GFOD1: variants seen among roughly 807,000 people sequenced by gnomAD.
The protein encoded by GFOD1 is glucose-fructose oxidoreductase domain-containing protein 1.
GFOD1 carries 9 observed loss-of-function variants against 25.4 expected under a neutral mutation model. The observed-to-expected ratio is 0.35, with a 90% CI of 0.21 to 0.62. The LOEUF is 0.62. GFOD1 is among the 20% of genes least tolerant of loss of function. The pLI is 0.72. For missense variants in GFOD1, 403 were observed against 556.9 expected, an observed-to-expected ratio of 0.72 and a Z score of 2.78; for synonymous variants, 253 against 245.6, an observed-to-expected ratio of 1.03 and a Z score of -0.28.
At chr6:13,403,887 T>A (rs987890680) in intron 1 of GFOD1, among the ~76,000 whole-genome samples, 1 of 152,216 alleles carries the variant, frequency 6.6e-6, no homozygotes, top group African/African-American at 2.4e-5. Flanking sequence ...GAAGAGTGAT[T>A]ACTAATGGAT....
chr6:13,393,173 T>C (rs62386724), intron 1 of GFOD1, among the ~76,000 whole-genome samples: 45,061 of 151,630 alleles, frequency 0.3, 6,819 homozygotes, highest in Middle Eastern at 0.45. Flanking sequence ...CTGGGCAACA[T>C]GCTGAAACTC....
At chr6:13,439,795 C>T (rs1757886672) in intron 1 of GFOD1, among the ~76,000 whole-genome samples, 1 of 152,122 alleles carries the variant, frequency 6.6e-6, no homozygotes, top group African/African-American at 2.4e-5. Flanking sequence ...ACATGTTTAC[C>T]CAGGGTGAGA....
At chr6:13,390,158 C>A (rs926700547) in intron 1 of GFOD1, among the ~76,000 whole-genome samples, 2 of 152,178 alleles carry the variant, frequency 1.3e-5, no homozygotes, top group African/African-American at 4.8e-5. Context: ...CTTTCCGAGC[C>A]TTAATCATAT....
chr6:13,432,463 C>T (rs1757766499), intron 1 of GFOD1, among the ~76,000 whole-genome samples: 1 of 152,060 alleles, frequency 6.6e-6, no homozygotes, highest in Admixed American at 6.6e-5. Flanking sequence ...CCACCTTGGC[C>T]TCCCAAAGTG....
chr6:13,480,424 G>C (rs1180675860), intron 1 of GFOD1, among the ~76,000 whole-genome samples: 1 of 152,224 alleles, frequency 6.6e-6, no homozygotes, highest in Non-Finnish European at 1.5e-5. Context: ...AAGGCAGAGA[G>C]CTATCTCATC....
intron 1 of GFOD1, among the ~76,000 whole-genome samples, chr6:13,460,947 A>G (rs1758280489): frequency 6.6e-6 from 1 of 152,196 alleles, no homozygotes. Context: ...CTGCCAGGTG[A>G]GGACACCTCA....
chr6:13,477,214 GGGGT>G (rs747672221), intron 1 of GFOD1, among the ~76,000 whole-genome samples: 257 of 7,560 alleles, frequency 0.034, 1 homozygote, highest in East Asian at 0.32. Flanking sequence ...GAACCAATAG[GGGGT>G]GTGTGTGTGT....
chr6:13,434,385 G>T lies in GFOD1; in HGVS notation c.253+52253C>A, dbSNP rs149754905. Among the ~76,000 whole-genome samples the T allele has an allele frequency of 9.8e-4, 143 of 145,352 alleles. 1 individual carries two copies. The highest frequency in any genetic ancestry group is 3.5e-3 in the African/African-American group (135 of 38,668). On this transcript the variant is annotated intron_variant, in intron 1 of 1. Transcript: ENST00000379287. ...TGGGAACACAGGAATCAAGTGCATG[G>T]CATTATGAGAACACAAATCAAGTGC...
chr6:13,376,162 T>C (rs1320320505), intron 1 of GFOD1, among the ~76,000 whole-genome samples: 1 of 152,114 alleles, frequency 6.6e-6, no homozygotes, highest in East Asian at 1.9e-4. Context: ...CCCCTTCATG[T>C]CAGTGGCACA....
intron 1 of GFOD1, among the ~76,000 whole-genome samples, chr6:13,419,272 G>C (rs573320431): frequency 6.6e-6 from 1 of 152,182 alleles, no homozygotes; most frequent in East Asian, 1.9e-4. Flanking sequence ...TCCAAAGAGG[G>C]AACAGACTAT....
rs368758101 is a variant in GFOD1 at position 13,409,153 on chromosome 6, G to GAAAGAAAGAAA, written c.254-43492_254-43491insTTTCTTTCTTT. On this transcript the variant is annotated intron_variant, in intron 1 of 1. Coordinates refer to ENST00000379287, the MANE Select transcript of GFOD1 (RefSeq NM_018988.4). ...AGAAAGAAAGAAAGAAAGAAAGAGA[G>GAAAGAAAGAAA]GAAAGAAAGAAAGGAAAGAGAGAGA... 5.9e-3 allele frequency among the ~76,000 whole-genome samples: 262 copies of GAAAGAAAGAAA among 44,500 alleles called. 36 individuals carry two copies. The highest frequency in any genetic ancestry group is 0.015 in the African/African-American group (223 of 15,322). 29.2% of individuals were successfully genotyped at this position (44,500 alleles called of 152,430 possible). A position where few individuals can be genotyped will look rare whatever the true frequency, so the allele number is the denominator to read the frequency against.
At chr6:13,381,363 A>C (rs994369027) in intron 1 of GFOD1, among the ~76,000 whole-genome samples, 1 of 152,130 alleles carries the variant, frequency 6.6e-6, no homozygotes, top group African/African-American at 2.4e-5. Flanking sequence ...CAGACAAGGA[A>C]ATGGGCTAGG....
chr6:13,436,235 T>C (rs1757831292), intron 1 of GFOD1, among the ~76,000 whole-genome samples: 1 of 137,232 alleles, frequency 7.3e-6, no homozygotes, highest in Non-Finnish European at 1.6e-5. Flanking sequence ...TGAAAGCACA[T>C]AAATAAACTT....
intron 1 of GFOD1, among the ~76,000 whole-genome samples, chr6:13,367,446 G>T (rs1054923405): frequency 3.3e-5 from 5 of 152,210 alleles, no homozygotes; most frequent in Non-Finnish European, 7.3e-5. Flanking sequence ...AATCTGAGGA[G>T]TTGGCAGTGC....
chr6:13,483,323 A>G (rs1758795357), intron 1 of GFOD1, among the ~76,000 whole-genome samples: 1 of 152,094 alleles, frequency 6.6e-6, no homozygotes, highest in African/African-American at 2.4e-5. Context: ...AGACCTGGAC[A>G]TGTGCGCCAA....
chr6:13,468,107 A>G (rs2127576722), intron 1 of GFOD1, among the ~76,000 whole-genome samples: 1 of 152,294 alleles, frequency 6.6e-6, no homozygotes, highest in East Asian at 1.9e-4. Flanking sequence ...AGAAATTTAG[A>G]GAAGAAAAAA....
At chr6:13,385,598 C>T (rs776587785) in intron 1 of GFOD1, among the ~76,000 whole-genome samples, 13 of 152,214 alleles carry the variant, frequency 8.5e-5, no homozygotes, top group Non-Finnish European at 1.6e-4. Context: ...ACAAGCCAAT[C>T]ATCAAGGGTT....
chr6:13,382,558 A>G (rs1428667059), intron 1 of GFOD1, among the ~76,000 whole-genome samples: 1 of 152,156 alleles, frequency 6.6e-6, no homozygotes, highest in African/African-American at 2.4e-5. Context: ...TCCTTTATAA[A>G]TTACTCAGTC....
Position 13,404,605 on chromosome 6 carries a change from AG to A in GFOD1, c.254-38944del, listed in dbSNP as rs1562207748. ...GAACTAAATGAGGCAACACTATCCC[AG>A]CATCTCCCAGAACAGGAACTCGGTA... On this transcript the variant is annotated intron_variant, in intron 1 of 1. Coordinates refer to ENST00000379287, the MANE Select transcript of GFOD1 (RefSeq NM_018988.4). Among the ~76,000 whole-genome samples the A allele has an allele frequency of 3.9e-5, 6 of 152,334 alleles. No individual in the cohort carries two copies. The South Asian group carries it at 1.2e-3, about 32-fold the overall frequency.
Sources: gnomAD v4.1 joint callset for allele counts (sites outside exome capture counted in the v4.1 genomes callset) on GRCh38, gnomAD v4.1.1 for gene constraint, MANE v1.5 for transcripts, NCBI Gene and HGNC (gene_info 2026-07-23, HGNC 2026-07-21) for gene names.